FOXP1: variants seen among roughly 807,000 people sequenced by gnomAD.
FOXP1 encodes forkhead box protein P1.
FOXP1 carries 15 observed loss-of-function variants against 98.2 expected under a neutral mutation model. The ratio of observed to expected loss-of-function variants is 0.15; its 90% CI spans 0.10 to 0.24. The LOEUF is 0.24. Among genes scored for constraint, FOXP1 ranks in the 10% least tolerant of loss-of-function variants. The pLI, the probability that FOXP1 is intolerant of heterozygous loss-of-function variation, is 1.00. For synonymous variants in FOXP1, 371 were observed against 314.5 expected, an observed-to-expected ratio of 1.18 and a Z score of -1.90; for missense variants, 633 against 848.5, an observed-to-expected ratio of 0.75 and a Z score of 3.15.
chr3:71,542,017 C>T (rs751101732), intron 2 of FOXP1: 5 of 534,212 alleles, frequency 9.4e-6, no homozygotes, highest in Middle Eastern at 3.2e-4. Context: ...CAAACATGGG[C>T]TTTCCAATAT....
chr3:70,990,514 C>T (rs950743747), intron 13 of FOXP1, among the ~76,000 whole-genome samples: 1 of 152,120 alleles, frequency 6.6e-6, no homozygotes, highest in African/African-American at 2.4e-5. Context: ...TATGAGGATA[C>T]AAACATTTAA....
chr3:71,477,078 G>A (rs2089913504), intron 3 of FOXP1, among the ~76,000 whole-genome samples: 1 of 152,146 alleles, frequency 6.6e-6, no homozygotes, highest in South Asian at 2.1e-4. Flanking sequence ...TTGAGCTAGT[G>A]TTGCAGATAC....
intron 4 of FOXP1, among the ~76,000 whole-genome samples, chr3:71,313,188 T>C (rs2074826012): frequency 6.7e-6 from 1 of 149,590 alleles, no homozygotes; most frequent in Non-Finnish European, 1.5e-5. Flanking sequence ...GCCTCCCGAG[T>C]AGCTAGGAAT....
intron 4 of FOXP1, among the ~76,000 whole-genome samples, chr3:71,336,332 G>A (rs755483515): frequency 5.3e-5 from 8 of 151,954 alleles, no homozygotes; most frequent in Non-Finnish European, 7.4e-5. Context: ...ACAGGTATAC[G>A]TGTGCCATGG....
intron 3 of FOXP1, among the ~76,000 whole-genome samples, chr3:71,452,640 C>T (rs1188664037): frequency 6.6e-6 from 1 of 152,192 alleles, no homozygotes; most frequent in Non-Finnish European, 1.5e-5. Flanking sequence ...ACCGAGGATG[C>T]TGCTTTGGTC....
intron 20 of FOXP1, 126 bp from the exon 21 acceptor site, chr3:70,959,517 C>T: frequency 1.0e-6 from 1 of 983,676 alleles, no homozygotes; most frequent in Admixed American, 2.1e-5. Context: ...GTATTGTTAC[C>T]ATTAGCCACA....
intron 13 of FOXP1, among the ~76,000 whole-genome samples, chr3:70,992,333 T>C (rs1330860651): frequency 6.6e-6 from 1 of 151,808 alleles, no homozygotes; most frequent in Non-Finnish European, 1.5e-5. Flanking sequence ...GGCCCAAGCA[T>C]ATCCAGTTAC....
intron 4 of FOXP1, among the ~76,000 whole-genome samples, chr3:71,300,801 G>A (rs2073775582): frequency 6.6e-6 from 1 of 152,222 alleles, no homozygotes; most frequent in Non-Finnish European, 1.5e-5. Context: ...TTACCAAAAT[G>A]TTAATATCTT....
At chr3:70,982,808 A>G (rs1242052315) in intron 14 of FOXP1, among the ~76,000 whole-genome samples, 1 of 152,136 alleles carries the variant, frequency 6.6e-6, no homozygotes, top group Non-Finnish European at 1.5e-5. Flanking sequence ...TAAACCCCTG[A>G]CAGAAACAGA....
At chr3:71,070,149 C>T (rs1294523046) in intron 7 of FOXP1, among the ~76,000 whole-genome samples, 1 of 152,156 alleles carries the variant, frequency 6.6e-6, no homozygotes, top group Non-Finnish European at 1.5e-5. Flanking sequence ...GAACTATTAA[C>T]TGGAATATAT....
intron 6 of FOXP1, among the ~76,000 whole-genome samples, chr3:71,140,190 G>A (rs989039690): frequency 6.6e-6 from 1 of 152,028 alleles, no homozygotes; most frequent in East Asian, 1.9e-4. Context: ...GCATACACAT[G>A]GTAAGATATC....
intron 5 of FOXP1, among the ~76,000 whole-genome samples, chr3:71,283,026 C>T (rs991709551): frequency 1.6e-4 from 24 of 152,190 alleles, no homozygotes; most frequent in African/African-American, 5.5e-4. Context: ...TTTCTAAGTG[C>T]ACTCTCAGGA....
Position 70,957,237 on chromosome 3 carries a change from A to G in FOXP1, c.*2010T>C, listed in dbSNP as rs1490552848. The G allele has an allele frequency of 1.8e-5, 4 of 225,182 alleles. No individual in the cohort carries two copies. Among genetic ancestry groups the G allele is most frequent in the Non-Finnish European group, 3.5e-5 (4 of 112,958 alleles). 13.9% of individuals were successfully genotyped at this position (225,182 alleles called of 1,614,324 possible). A position where few individuals can be genotyped will look rare whatever the true frequency, so the allele number is the denominator to read the frequency against. ...TTTTTATCTGCAGTAGCCCCATAAAATCTCTTTAAGAGAATGAGTTTTGGT... is the reference window on the plus strand; with the variant it reads ...TTTTTATCTGCAGTAGCCCCATAAAGTCTCTTTAAGAGAATGAGTTTTGGT... On this transcript the variant is annotated 3_prime_UTR_variant, in exon 21 of 21. Transcript: ENST00000649528.
At chr3:71,153,880 G>T (rs1000298261) in intron 6 of FOXP1, among the ~76,000 whole-genome samples, 1 of 151,958 alleles carries the variant, frequency 6.6e-6, no homozygotes, top group East Asian at 1.9e-4. Context: ...TCAGAGGTAC[G>T]GCAATAAACA....
intron 7 of FOXP1, among the ~76,000 whole-genome samples, chr3:71,067,504 T>G (rs541565199): frequency 6.6e-6 from 1 of 152,306 alleles, no homozygotes; most frequent in African/African-American, 2.4e-5. Flanking sequence ...GTGGGTGTTT[T>G]AACAGTCTCA....
intron 6 of FOXP1, among the ~76,000 whole-genome samples, chr3:71,178,720 A>G (rs185273545): frequency 1.2e-4 from 18 of 151,894 alleles, no homozygotes; most frequent in Non-Finnish European, 1.9e-4. Context: ...TGTCTCTACT[A>G]AAAATACAAA....
chr3:71,139,642 G>C (rs932471621), intron 6 of FOXP1, among the ~76,000 whole-genome samples: 2 of 148,642 alleles, frequency 1.3e-5, no homozygotes, highest in African/African-American at 5.2e-5. Flanking sequence ...ACTGACTTCT[G>C]TTCCTCGGCT....
chr3:71,170,304 C>T (rs1331174747), intron 6 of FOXP1, among the ~76,000 whole-genome samples: 1 of 152,182 alleles, frequency 6.6e-6, no homozygotes. Flanking sequence ...GCCCTCACTC[C>T]GTTGAGCCTA....
At chr3:71,070,669 G>T (rs927897196) in intron 7 of FOXP1, among the ~76,000 whole-genome samples, 1 of 152,180 alleles carries the variant, frequency 6.6e-6, no homozygotes, top group Non-Finnish European at 1.5e-5. Flanking sequence ...GCACGTGTGG[G>T]CCAGACTCCC....
Sources: gnomAD v4.1 joint callset for allele counts (sites outside exome capture counted in the v4.1 genomes callset) on GRCh38, gnomAD v4.1.1 for gene constraint, MANE v1.5 for transcripts, NCBI Gene and HGNC (gene_info 2026-07-23, HGNC 2026-07-21) for gene names.